The following LHFPL4 variants were observed in gnomAD, a reference collection of about 807,000 sequenced individuals.
LHFPL4 encodes LHFPL tetraspan subfamily member 4 protein.
In LHFPL4, 6 loss-of-function variants were observed where a neutral mutation model predicts 20.0. The observed-to-expected ratio is 0.30, with a 90% confidence interval of 0.16 to 0.59. The LOEUF is 0.59. LHFPL4 is among the 20% of genes least tolerant of loss of function. The pLI, the probability that LHFPL4 is intolerant of heterozygous loss-of-function variation, is 0.88. For missense variants in LHFPL4, 215 were observed against 331.2 expected, an observed-to-expected ratio of 0.65 and a Z score of 2.72; for synonymous variants, 129 against 143.8, an observed-to-expected ratio of 0.90 and a Z score of 0.74.
At chr3:9,524,708 T>G (rs1259144810) in intron 2 of LHFPL4, among the ~76,000 whole-genome samples, 1 of 152,204 alleles carries the variant, frequency 6.6e-6, no homozygotes, top group Non-Finnish European at 1.5e-5. Context: ...ATGTGTAAAT[T>G]CCTGGTCTGA....
At chr3:9,552,091 C>T (rs762441745) in intron 2 of LHFPL4, among the ~76,000 whole-genome samples, 183 bp downstream of exon 2, 3 of 152,054 alleles carry the variant, frequency 2.0e-5, no homozygotes, top group South Asian at 2.1e-4. Context: ...TGTCCCCTGC[C>T]CTAAGGTGTC....
At chr3:9,550,128 A>G (rs2046544139) in intron 2 of LHFPL4, among the ~76,000 whole-genome samples, 1 of 152,242 alleles carries the variant, frequency 6.6e-6, no homozygotes, top group Non-Finnish European at 1.5e-5. Context: ...TTAACACTGC[A>G]TGGTGAGTCA....
chr3:9,506,922 G>A lies in LHFPL4; in HGVS notation c.407-719C>T, dbSNP rs2046223324. Reference sequence around the variant, plus strand: ...AATTCTTGTCCTTCACCCATCAAATGTTTATTGGGCACCATTTTCCTTTTA... The same window carrying A: ...AATTCTTGTCCTTCACCCATCAAATATTTATTGGGCACCATTTTCCTTTTA... On this transcript the variant is annotated intron_variant, in intron 2 of 3. Coordinates refer to ENST00000287585, the MANE Select transcript of LHFPL4 (RefSeq NM_198560.3). The surrounding 1 kb of genome is among the most constrained non-coding windows in gnomAD (Gnocchi z 4.5). Among the ~76,000 whole-genome samples the A allele has an allele frequency of 6.6e-6, 1 of 152,136 alleles. No individual in the cohort carries two copies. Among genetic ancestry groups the A allele is most frequent in the Non-Finnish European group, 1.5e-5 (1 of 68,016 alleles).
At chr3:9,537,026 C>T (rs948248555) in intron 2 of LHFPL4, among the ~76,000 whole-genome samples, 9 of 151,992 alleles carry the variant, frequency 5.9e-5, no homozygotes, top group Non-Finnish European at 8.8e-5. Flanking sequence ...TTTGAGGCTA[C>T]AGTGAGCTAT....
chr3:9,535,063 T>C (rs945120547), intron 2 of LHFPL4, among the ~76,000 whole-genome samples: 5 of 152,138 alleles, frequency 3.3e-5, no homozygotes, highest in Non-Finnish European at 7.3e-5. Context: ...TACAGGAATA[T>C]AGCTCTTTCA....
At chr3:9,549,955 C>T (rs1222576240) in intron 2 of LHFPL4, among the ~76,000 whole-genome samples, 4 of 152,154 alleles carry the variant, frequency 2.6e-5, no homozygotes, top group Non-Finnish European at 5.9e-5. Flanking sequence ...TAATCTCCAA[C>T]TCCTGGCCTC....
intron 2 of LHFPL4, among the ~76,000 whole-genome samples, chr3:9,511,863 G>C (rs1024222823): frequency 6.6e-6 from 1 of 152,024 alleles, no homozygotes; most frequent in Admixed American, 6.5e-5. Flanking sequence ...CATGTGTCTG[G>C]TGTTTGGGAA....
chr3:9,524,876 A>C (rs2046363167), intron 2 of LHFPL4, among the ~76,000 whole-genome samples: 1 of 152,116 alleles, frequency 6.6e-6, no homozygotes, highest in Non-Finnish European at 1.5e-5. Flanking sequence ...GCTTTTAGTG[A>C]TGTGGTGGTA....
intron 1 of LHFPL4, among the ~76,000 whole-genome samples, chr3:9,553,422 G>A (rs1574859540): frequency 6.6e-6 from 1 of 151,858 alleles, no homozygotes; most frequent in East Asian, 1.9e-4. Context: ...GTCCTCAGAA[G>A]CCAGGGCTGG....
intron 2 of LHFPL4, among the ~76,000 whole-genome samples, chr3:9,526,002 A>T (rs559393141): frequency 6.6e-6 from 1 of 152,330 alleles, no homozygotes; most frequent in Non-Finnish European, 1.5e-5. Flanking sequence ...TTTTAAAAAA[A>T]GTAGGGGATG....
chr3:9,530,348 T>G (rs1418412121), intron 2 of LHFPL4, among the ~76,000 whole-genome samples: 1 of 152,230 alleles, frequency 6.6e-6, no homozygotes, highest in Non-Finnish European at 1.5e-5. Flanking sequence ...CATCACCACC[T>G]GCTGCTTTAC....
Position 9,515,060 on chromosome 3 carries a change from T to C in LHFPL4, c.407-8857A>G, listed in dbSNP as rs142518847. ...GGGTCATATAGTAAGAGTACATTTA[T>C]TTTTATAAGAAACTGCCAACATGCC... On this transcript the variant is annotated intron_variant, in intron 2 of 3. Transcript: ENST00000287585. Among the ~76,000 whole-genome samples, 101 of 152,330 alleles carry C rather than the reference T, an allele frequency of 6.6e-4. 1 individual carries two copies. The highest frequency in any genetic ancestry group is 6.8e-3 in the Middle Eastern group (2 of 294).
chr3:9,526,538 A>G (rs934216198), intron 2 of LHFPL4, among the ~76,000 whole-genome samples: 2 of 152,232 alleles, frequency 1.3e-5, no homozygotes, highest in African/African-American at 4.8e-5. Context: ...TCCTTCAAGC[A>G]TCTCTTAAAA....
At chr3:9,510,357 G>T (rs2046249867) in intron 2 of LHFPL4, among the ~76,000 whole-genome samples, 1 of 151,094 alleles carries the variant, frequency 6.6e-6, no homozygotes, top group Non-Finnish European at 1.5e-5. Flanking sequence ...AGGATCGCTT[G>T]AGCCGGAAGA....
rs908818405 is a variant in LHFPL4 at position 9,506,858 on chromosome 3, G to A, written c.407-655C>T. Reference sequence around the variant, plus strand: ...AGCCTCCCAAAGTGTTGGGATTATAGGAGTGAGCCACCACACCCGCCCTCA... The same window carrying A: ...AGCCTCCCAAAGTGTTGGGATTATAAGAGTGAGCCACCACACCCGCCCTCA... On this transcript the variant is annotated intron_variant, in intron 2 of 3. Transcript: ENST00000287585. The surrounding 1 kb of genome is among the most constrained non-coding windows in gnomAD (Gnocchi z 4.5). 6.6e-6 allele frequency among the ~76,000 whole-genome samples: 1 copy of A among 152,160 alleles called. No homozygotes were observed. Among genetic ancestry groups the A allele is most frequent in the African/African-American group, 2.4e-5 (1 of 41,440 alleles).
chr3:9,541,990 A>G (rs2046479689), intron 2 of LHFPL4, among the ~76,000 whole-genome samples: 2 of 152,050 alleles, frequency 1.3e-5, no homozygotes, highest in South Asian at 2.1e-4. Context: ...GTCTACCTAG[A>G]AACTTGTACA....
chr3:9,505,337 C>T (rs761320420), intron 3 of LHFPL4, among the ~76,000 whole-genome samples: 1 of 151,962 alleles, frequency 6.6e-6, no homozygotes, highest in Non-Finnish European at 1.5e-5. Context: ...GGCACAATCA[C>T]AGCTCACTGC....
At chr3:9,523,102 G>C (rs1327009422) in intron 2 of LHFPL4, among the ~76,000 whole-genome samples, 2 of 106,438 alleles carry the variant, frequency 1.9e-5, no homozygotes, top group Admixed American at 9.6e-5. Flanking sequence ...GAGAGAGAGA[G>C]AGAGAAAGCA....
chr3:9,526,559 T>C (rs1474115776), intron 2 of LHFPL4, among the ~76,000 whole-genome samples: 1 of 152,208 alleles, frequency 6.6e-6, no homozygotes, highest in Non-Finnish European at 1.5e-5. Flanking sequence ...TGATGGTGAA[T>C]GTAATGAGTT....
Sources: gnomAD v4.1 joint callset for allele counts (sites outside exome capture counted in the v4.1 genomes callset) on GRCh38, gnomAD v4.1.1 for gene constraint, Gnocchi (gnomAD v3.1) non-coding constraint, MANE v1.5 for transcripts, NCBI Gene and HGNC (gene_info 2026-07-23, HGNC 2026-07-21) for gene names.